The following SCARB1 variants were observed in gnomAD, a reference collection of about 807,000 sequenced individuals.
SCARB1 encodes the protein scavenger receptor class B member 1.
SCARB1 carries 30 observed loss-of-function variants against 57.2 expected under a neutral mutation model. That is an observed-to-expected ratio of 0.52 (90% CI 0.39 to 0.71). The LOEUF (loss-of-function observed/expected upper bound fraction) is 0.71. SCARB1 is among the 30% of genes least tolerant of loss of function. The pLI is 0.00. For missense variants in SCARB1, 543 were observed against 671.2 expected (o/e 0.81, Z 2.11); for synonymous variants, 249 against 268.3 (o/e 0.93, Z 0.70).
intron 1 of SCARB1, among the ~76,000 whole-genome samples, chr12:124,823,853 CA>C (rs1340190775): frequency 2.0e-5 from 3 of 151,370 alleles, no homozygotes; most frequent in Non-Finnish European, 2.9e-5. Flanking sequence ...TTTAAAGAGC[CA>C]AAAAAAATAA....
intron 1 of SCARB1, among the ~76,000 whole-genome samples, chr12:124,834,615 G>C (rs527637815): frequency 6.6e-6 from 1 of 152,312 alleles, no homozygotes; most frequent in Admixed American, 6.5e-5. Context: ...GGTTCTTGAA[G>C]TGTGGTCCCT....
rs1195612715 is a variant in SCARB1, at chr12:124,814,527, T to G, written c.427-122A>C. The G allele has an allele frequency of 3.8e-6, 4 of 1,040,694 alleles. No homozygotes were observed. Among genetic ancestry groups the G allele is most frequent in the Admixed American group, 3.9e-5 (2 of 51,190 alleles). 64.5% of individuals were successfully genotyped at this position (1,040,694 alleles called of 1,614,324 possible). ...GAAATGCTGGGGTGCAGGAGGCCCC[T>G]GGAGTGGCCACGTGGGGCATCTGGG... On this transcript the variant is annotated intron_variant, in intron 3 of 12. Transcript: ENST00000261693. This position sits in a 1 kb window ranked among gnomAD's most constrained non-coding sequence, Gnocchi z 4.7.
In SCARB1 at chr12:124,807,382, C is replaced by T. The variant is rs838903; in HGVS notation, c.1009+379G>A. Among the ~76,000 whole-genome samples, 21,271 of 151,862 alleles carry T rather than the reference C, an allele frequency of 0.14. 3,142 individuals are homozygous for T. Among genetic ancestry groups the T allele is most frequent in the East Asian group, 0.44 (2,259 of 5,144 alleles). Reference sequence around the variant, plus strand: ...TGGCCTCAAAGGTGGAGGAAGGGCCCGGGAGCCAAGAAACACAGAGGGGCC... The same window carrying T: ...TGGCCTCAAAGGTGGAGGAAGGGCCTGGGAGCCAAGAAACACAGAGGGGCC... On this transcript the variant is annotated intron_variant, in intron 7 of 12. Transcript: ENST00000261693. The surrounding 1 kb of genome is among the most constrained non-coding windows in gnomAD (Gnocchi z 5.3).
At chr12:124,797,392 G>A (rs887131878) in intron 8 of SCARB1, among the ~76,000 whole-genome samples, 5 of 151,944 alleles carry the variant, frequency 3.3e-5, no homozygotes, top group Admixed American at 6.6e-5. Context: ...TCCAACACAC[G>A]TTCGTTTTTC....
Position 124,826,960 on chromosome 12 carries a change from G to C in SCARB1, c.127-9253C>G, listed in dbSNP as rs59369234. ...GCAAACAATCTCAGGAGAGGGCTGG[G>C]GGCTGGGGATGTGGGGAAAGCTTTA... On this transcript the variant is annotated intron_variant, in intron 1 of 12. Coordinates refer to ENST00000261693, the MANE Select transcript of SCARB1 (RefSeq NM_005505.5). Among the ~76,000 whole-genome samples, 5,902 of 152,246 alleles carry C rather than the reference G, an allele frequency of 0.039. 756 individuals are homozygous for C. In the East Asian group the frequency reaches 0.48, roughly 12 times the overall value.
At chr12:124,803,251 G>T (rs1325403554) in intron 7 of SCARB1, among the ~76,000 whole-genome samples, 1 of 152,212 alleles carries the variant, frequency 6.6e-6, no homozygotes, top group African/African-American at 2.4e-5. Context: ...TCAGGGTGCT[G>T]GCCACGGGGT....
intron 1 of SCARB1, among the ~76,000 whole-genome samples, chr12:124,820,715 A>G (rs1385910409): frequency 1.3e-5 from 2 of 152,116 alleles, no homozygotes; most frequent in Non-Finnish European, 2.9e-5. Flanking sequence ...AAAACACAGC[A>G]TCAAAACCCA....
intron 1 of SCARB1, among the ~76,000 whole-genome samples, chr12:124,848,066 T>C (rs185291375): frequency 1.1e-4 from 17 of 152,302 alleles, no homozygotes; most frequent in Non-Finnish European, 2.1e-4. Context: ...AGACACAGCA[T>C]GCAACCTTGG....
intron 1 of SCARB1, chr12:124,821,620 C>T (rs1331878976): frequency 2.5e-6 from 2 of 813,288 alleles, no homozygotes; most frequent in East Asian, 1.3e-4. Context: ...GGTCACTGAC[C>T]TTCTCCGAGT....
chr12:124,814,185 C>T lies in SCARB1; in HGVS notation c.630+17G>A. 1 of 1,612,006 alleles carries T rather than the reference C, an allele frequency of 6.2e-7. No individual in the cohort carries two copies. Among genetic ancestry groups the T allele is most frequent in the Non-Finnish European group, 8.5e-7 (1 of 1,178,138 alleles). ...ACACAGGCCTGAATCTTTGGCTTCT[C>T]ACCAGGCCACACGTACCTCAGCAAA... On this transcript the variant is annotated intron_variant, in intron 4 of 12. Transcript: ENST00000261693. This position sits in a 1 kb window ranked among gnomAD's most constrained non-coding sequence, Gnocchi z 4.7.
rs955784428 is a variant in SCARB1, at chr12:124,807,215, TAAAC to T, written c.1009+542_1009+545del. On this transcript the variant is annotated intron_variant, in intron 7 of 12. Coordinates refer to ENST00000261693, the MANE Select transcript of SCARB1 (RefSeq NM_005505.5). The surrounding 1 kb of genome is among the most constrained non-coding windows in gnomAD (Gnocchi z 5.3). Reference sequence around the variant, plus strand: ...GAGTCTGTCTCAAAAAAAATAATAATAAACAAGATGGGGAGATTGTCCTGGGGTA... The same window carrying T: ...GAGTCTGTCTCAAAAAAAATAATAATAAGATGGGGAGATTGTCCTGGGGTA... Among the ~76,000 whole-genome samples the T allele has an allele frequency of 1.3e-5, 2 of 151,738 alleles. No individual in the cohort carries two copies. The highest frequency in any genetic ancestry group is 4.8e-5 in the African/African-American group (2 of 41,280).
At chr12:124,824,150 T>A (rs1353816727) in intron 1 of SCARB1, among the ~76,000 whole-genome samples, 15 of 138,662 alleles carry the variant, frequency 1.1e-4, no homozygotes, top group African/African-American at 3.9e-4. Context: ...CACTCCAGCC[T>A]GGGTAACAGA....
In SCARB1 at chr12:124,859,639, C is replaced by T. The variant is rs922428957; in HGVS notation, c.126+3956G>A. ...AGAGTAGCCACTTCTGTTAGTCTCA[C>T]CTTTTCCCAAACTTTAACATATTCT... On this transcript the variant is annotated intron_variant, in intron 1 of 12. Transcript: ENST00000261693. Among the ~76,000 whole-genome samples, 3 of 152,300 alleles carry T rather than the reference C, an allele frequency of 2.0e-5. No individual in the cohort carries two copies. The South Asian group carries it at 6.2e-4, about 32-fold the overall frequency.
chr12:124,830,590 G>A (rs1024296562), intron 1 of SCARB1, among the ~76,000 whole-genome samples: 12 of 152,022 alleles, frequency 7.9e-5, no homozygotes, highest in Admixed American at 2.6e-4. Context: ...GTGACGTCCC[G>A]GGGAATGGCA....
intron 7 of SCARB1, among the ~76,000 whole-genome samples, chr12:124,803,671 G>A (rs1038664517): frequency 1.6e-5 from 2 of 127,700 alleles, no homozygotes; most frequent in Non-Finnish European, 3.1e-5. Context: ...CGGGCAAGAC[G>A]GCACAACCCC....
chr12:124,839,395 T>C, intron 1 of SCARB1: 6 of 433,006 alleles, frequency 1.4e-5, no homozygotes, highest in South Asian at 1.0e-4. Flanking sequence ...TCCTTCCTTT[T>C]CCAGGCTGAA....
intron 9 of SCARB1, among the ~76,000 whole-genome samples, chr12:124,793,210 C>T (rs1461629636): frequency 6.6e-6 from 1 of 152,202 alleles, no homozygotes; most frequent in Non-Finnish European, 1.5e-5. Flanking sequence ...TAGATGCTCA[C>T]ATTCCTGCAA....
chr12:124,820,435 C>A (rs1214385125), intron 1 of SCARB1, among the ~76,000 whole-genome samples: 1 of 152,038 alleles, frequency 6.6e-6, no homozygotes, highest in Admixed American at 6.5e-5. Context: ...GCAGTCCTGC[C>A]CCCTCGGTAA....
intron 1 of SCARB1, among the ~76,000 whole-genome samples, chr12:124,830,688 T>A (rs1484411382): frequency 6.6e-6 from 1 of 151,966 alleles, no homozygotes; most frequent in African/African-American, 2.4e-5. Context: ...CGTTTACACT[T>A]GGTATAGGGG....
Sources: allele counts gnomAD v4.1 joint callset (sites outside exome capture counted in the v4.1 genomes callset), GRCh38; gene constraint gnomAD v4.1.1; non-coding constraint Gnocchi (gnomAD v3.1); transcripts MANE v1.5; gene names NCBI Gene and HGNC (gene_info 2026-07-23, HGNC 2026-07-21).